The following MIB1 variants were observed in gnomAD, a reference collection of about 807,000 sequenced individuals.
MIB1 encodes the protein E3 ubiquitin-protein ligase MIB1.
MIB1 carries 278 observed loss-of-function variants against 124.5 expected under a neutral mutation model. That is an observed-to-expected ratio of 2.23 (90% CI 2.02 to 2.47). The LOEUF is 2.47. MIB1 is among the 30% of genes most tolerant of loss of function. The pLI is 0.00. For synonymous variants in MIB1, 446 were observed against 429.4 expected, an observed-to-expected ratio of 1.04 and a Z score of -0.48; for missense variants, 957 against 1,254.4, an observed-to-expected ratio of 0.76 and a Z score of 3.58.
At chr18:21,724,726 AAATATATATATATATATATATATAT>A (rs1403017384) in intron 1 of MIB1, among the ~76,000 whole-genome samples, 7 of 52,846 alleles carry the variant, frequency 1.3e-4, no homozygotes, top group Admixed American at 5.2e-4. Context: ...AAAAAAAAAA[AAATATATATATATATATATATATAT>A]ATATATATAT....
In MIB1 at chr18:21,767,332, AAG is replaced by A. The variant is rs2041173008; in HGVS notation, c.402-1290_402-1289del. ...CAGCAAGGAGAAGTGCTGAGCAAAA[AAG>A]GGGGAAAGCCCCTTATTAAAATCAT... On this transcript the variant is annotated intron_variant, in intron 2 of 20. Coordinates refer to ENST00000261537, the MANE Select transcript of MIB1 (RefSeq NM_020774.4). Among the ~76,000 whole-genome samples the A allele has an allele frequency of 3.9e-5, 6 of 152,230 alleles. No homozygotes were observed. In the South Asian group the frequency reaches 6.2e-4, roughly 16 times the overall value.
intron 2 of MIB1, 55 bp downstream of exon 2, chr18:21,765,998 T>G: frequency 6.5e-7 from 1 of 1,539,716 alleles, no homozygotes; most frequent in Non-Finnish European, 9.0e-7. Context: ...ATTCAAGTTA[T>G]GTACTTCTGG....
intron 1 of MIB1, among the ~76,000 whole-genome samples, chr18:21,731,537 T>C (rs568804402): frequency 2.2e-4 from 33 of 151,626 alleles, no homozygotes; most frequent in African/African-American, 7.7e-4. Context: ...ATCGAGACCA[T>C]CTTGGCTAAC....
intron 10 of MIB1, among the ~76,000 whole-genome samples, chr18:21,813,797 C>CT (rs1255980131): frequency 6.6e-6 from 1 of 152,050 alleles, no homozygotes; most frequent in East Asian, 1.9e-4. Context: ...CCTTGCAAAA[C>CT]TAGGGAGTCC....
rs773124679 is a variant in MIB1, at chr18:21,849,188, T to C, written c.2394-8T>C. 1 of 1,513,010 alleles carries C rather than the reference T, an allele frequency of 6.6e-7. No individual in the cohort carries two copies. Among genetic ancestry groups the C allele is most frequent in the Non-Finnish European group, 8.9e-7 (1 of 1,125,618 alleles). The allele number at this position is 1,513,010 out of a possible 1,614,324, so 93.7% of individuals were successfully genotyped here. ...ATAGGCTTGATTTGAAATACTTTCT[T>C]TTATTAGTGGTCAAGTGGGTTCTCG... On this transcript the variant is annotated splice_polypyrimidine_tract_variant and splice_region_variant and intron_variant, in intron 16 of 20. Coordinates refer to ENST00000261537, the MANE Select transcript of MIB1 (RefSeq NM_020774.4).
intron 18 of MIB1, among the ~76,000 whole-genome samples, chr18:21,855,269 T>TC (rs566059237): frequency 6.8e-4 from 104 of 152,326 alleles, no homozygotes; most frequent in Admixed American, 4.0e-3. Context: ...ATGTAGTTCG[T>TC]CCAGTACCCC....
chr18:21,843,997 A>G (rs1434184396), intron 14 of MIB1, 95 bp from the exon 15 acceptor site: 37 of 1,120,888 alleles, frequency 3.3e-5, no homozygotes, highest in Middle Eastern at 3.0e-4. Flanking sequence ...TAACTTCTTC[A>G]GTAGGTCCAG....
At chr18:21,708,754 G>A (rs946497402) in intron 1 of MIB1, among the ~76,000 whole-genome samples, 3 of 152,118 alleles carry the variant, frequency 2.0e-5, no homozygotes, top group African/African-American at 7.2e-5. Flanking sequence ...TGTCTTCTTG[G>A]GTGATTACAG....
chr18:21,870,326 A>G lies in MIB1; in HGVS notation c.*5660A>G, dbSNP rs1204105314. ...ATGCCTTTAAGAAACAAGGATGTAC[A>G]TCTTCAATTCAGCATAAGTGTCCAC... On this transcript the variant is annotated 3_prime_UTR_variant, in exon 21 of 21. Coordinates refer to ENST00000261537, the MANE Select transcript of MIB1 (RefSeq NM_020774.4). 1 of 152,204 alleles carries G rather than the reference A, an allele frequency of 6.6e-6. No homozygotes were observed. The highest frequency in any genetic ancestry group is 1.5e-5 in the Non-Finnish European group (1 of 67,996). The allele number at this position is 152,204 out of a possible 1,614,324, so 9.4% of individuals were successfully genotyped here.
Position 21,741,927 on chromosome 18 carries a change from G to C in MIB1, c.229+115G>C. On this transcript the variant is annotated intron_variant, in intron 1 of 20. Coordinates refer to ENST00000261537, the MANE Select transcript of MIB1 (RefSeq NM_020774.4). The surrounding 1 kb of genome is among the most constrained non-coding windows in gnomAD (Gnocchi z 5.4). ...GTGGGACACCTGGTGGGCAGCGCCC[G>C]GCTGGAGCGAGCGGAAAGGCAAAGC... 1 of 921,496 alleles carries C rather than the reference G, an allele frequency of 1.1e-6. No individual in the cohort carries two copies. The allele number at this position is 921,496 out of a possible 1,614,324, so 57.1% of individuals were successfully genotyped here.
At chr18:21,744,140 G>A (rs763273750) in intron 1 of MIB1, among the ~76,000 whole-genome samples, 1 of 132,012 alleles carries the variant, frequency 7.6e-6, no homozygotes, top group Admixed American at 8.3e-5. Flanking sequence ...AAAATTGTAA[G>A]CTCCTGGCTC....
chr18:21,791,521 A>G lies in MIB1; in HGVS notation c.1056A>G (p.Gln352=). The change falls in exon 7 of 21, where the codon CAA becomes CAG. Residue 352 remains glutamine, a synonymous_variant. Transcript: ENST00000261537. ...ACCTGGAACGAATTAAACTTCTACA[A>G]AGAGGACATGGAGAATGGGCTGAAG... is the stretch of plus-strand genomic sequence containing the variant. ...CYDLERIKLL[Q]RGHGEWAEAM... 6.2e-7 allele frequency: 1 copy of G among 1,614,042 alleles called. No individual in the cohort carries two copies. Among genetic ancestry groups the G allele is most frequent in the Non-Finnish European group, 8.5e-7 (1 of 1,179,940 alleles).
At chr18:21,853,799 G>A (rs1457188008) in intron 18 of MIB1, among the ~76,000 whole-genome samples, 1 of 151,916 alleles carries the variant, frequency 6.6e-6, no homozygotes, top group Non-Finnish European at 1.5e-5. Flanking sequence ...CCTTGTTCAA[G>A]TTCATACACT....
intron 15 of MIB1, 79 bp downstream of exon 15, chr18:21,844,332 C>T: frequency 7.2e-7 from 1 of 1,392,704 alleles, no homozygotes; most frequent in South Asian, 1.3e-5. Flanking sequence ...GGTAATCTAA[C>T]CTGTATTGGA....
At position 21,846,958 on chromosome 18, in the gene MIB1, TG is replaced by T; in HGVS notation, c.2228del (p.Gly743ValfsTer24). 6.2e-7 allele frequency: 1 copy of T among 1,613,688 alleles called. No individual in the cohort carries two copies. Among genetic ancestry groups the T allele is most frequent in the Non-Finnish European group, 8.5e-7 (1 of 1,179,828 alleles). ...TTTTATTGCAGTTAATAATGGGACT[TG>T]GTACCCAGGGGGCAGAGAAGAAGAG... The part of the protein sequence containing the change: ...PSKNTLIMGL[G>X]TQGAEKKSAA... On this transcript the variant is annotated frameshift_variant, in exon 16 of 21. Transcript: ENST00000261537. LOFTEE classifies it high-confidence loss of function.
At position 21,869,816 on chromosome 18, in the gene MIB1, T is replaced by A. The variant is rs1008728088; in HGVS notation, c.*5150T>A. ...AGGGGAAAAAAAAAAGACCCTTTGTTCAAATGGATTCTGTTGTAAAAAATT... is the reference window on the plus strand; with the variant it reads ...AGGGGAAAAAAAAAAGACCCTTTGTACAAATGGATTCTGTTGTAAAAAATT... On this transcript the variant is annotated 3_prime_UTR_variant, in exon 21 of 21. Coordinates refer to ENST00000261537, the MANE Select transcript of MIB1 (RefSeq NM_020774.4). 1 of 152,090 alleles carries A rather than the reference T, an allele frequency of 6.6e-6. No individual in the cohort carries two copies. Among genetic ancestry groups the A allele is most frequent in the African/African-American group, 2.4e-5 (1 of 41,384 alleles). The allele number at this position is 152,090 out of a possible 1,614,324, so 9.4% of individuals were successfully genotyped here.
chr18:21,861,664 A>AC (rs1192318326), intron 20 of MIB1, among the ~76,000 whole-genome samples: 3 of 144,084 alleles, frequency 2.1e-5, no homozygotes, highest in African/African-American at 5.0e-5. Context: ...AAAAAAAAAC[A>AC]AACAACAACC....
In MIB1 at chr18:21,721,159, GTTTTTTTTTTTTTTTTTTTTT is replaced by G. The variant is rs34277676; in HGVS notation, n.167+16055_167+16075del. ...TGAAAGATTTAAACATTTTAAAGAA[GTTTTTTTTTTTTTTTTTTTTT>G]TTTTTTTTTTTTTTTTTTGAGACAG... On this transcript the variant is annotated intron_variant and non_coding_transcript_variant, in intron 1 of 20. Transcript: ENST00000578646. Among the ~76,000 whole-genome samples, 303 of 29,754 alleles carry G rather than the reference GTTTTTTTTTTTTTTTTTTTTT, an allele frequency of 0.01. 6 individuals carry two copies. In the East Asian group the frequency reaches 0.22, roughly 21 times the overall value. The allele number at this position is 29,754 out of a possible 152,430, so 19.5% of individuals were successfully genotyped here. A position where few individuals can be genotyped will look rare whatever the true frequency, so the allele number is the denominator to read the frequency against.
At chr18:21,801,805 C>T (rs899171002) in intron 9 of MIB1, among the ~76,000 whole-genome samples, 3 of 152,072 alleles carry the variant, frequency 2.0e-5, no homozygotes, top group African/African-American at 7.2e-5. Context: ...AGACATTTCT[C>T]TTAGGCCTTC....
Sources: gnomAD v4.1 joint callset for allele counts (sites outside exome capture counted in the v4.1 genomes callset) on GRCh38, gnomAD v4.1.1 for gene constraint, Gnocchi (gnomAD v3.1) non-coding constraint, MANE v1.5 for transcripts, NCBI Gene and HGNC (gene_info 2026-07-23, HGNC 2026-07-21) for gene names.